The following SOX5 variants were observed in gnomAD, a reference collection of about 807,000 sequenced individuals.
SOX5 encodes the protein SRY-box transcription factor 5, also known as transcription factor SOX-5.
In SOX5, 9 loss-of-function variants were observed where a neutral mutation model predicts 92.0. The ratio of observed to expected loss-of-function variants is 0.10; its 90% CI spans 0.06 to 0.17. The LOEUF (loss-of-function observed/expected upper bound fraction) is 0.17, where lower values mean the gene tolerates loss of function less well. SOX5 is among the 10% of genes least tolerant of loss of function. The pLI is 1.00. For missense variants in SOX5, 642 were observed against 944.5 expected (o/e 0.68, Z 4.20); for synonymous variants, 344 against 336.3 (o/e 1.02, Z -0.25).
chr12:23,667,367 T>C (rs2083983311), intron 6 of SOX5, among the ~76,000 whole-genome samples: 1 of 152,222 alleles, frequency 6.6e-6, no homozygotes, highest in Non-Finnish European at 1.5e-5. Flanking sequence ...TAAATTGCAA[T>C]GAATTCTGGA....
intron 1 of SOX5, chr12:24,368,699 T>A (rs11047401): frequency 0.054 from 8,221 of 152,282 alleles, 331 homozygotes; most frequent in African/African-American, 0.11. Context: ...ACAGTGCTGA[T>A]TGGATTCCAT....
intron 4 of SOX5, among the ~76,000 whole-genome samples, chr12:24,078,394 C>A (rs1366581183): frequency 6.6e-6 from 1 of 151,926 alleles, no homozygotes; most frequent in Non-Finnish European, 1.5e-5. Context: ...AGTTATTGAA[C>A]CTGTGATTAC....
At chr12:23,538,832 G>A (rs1235918925) in intron 13 of SOX5, among the ~76,000 whole-genome samples, 6 of 120,834 alleles carry the variant, frequency 5.0e-5, no homozygotes, top group Non-Finnish European at 8.2e-5. Context: ...ACAGAGTCTT[G>A]CTCTTTCGCC....
chr12:24,141,921 T>G (rs1219219416), intron 4 of SOX5, among the ~76,000 whole-genome samples: 1 of 152,034 alleles, frequency 6.6e-6, no homozygotes, highest in Admixed American at 6.6e-5. Flanking sequence ...TGATGGTCTC[T>G]GTGAATGGGA....
intron 1 of SOX5, among the ~76,000 whole-genome samples, chr12:24,411,793 T>C (rs192979785): frequency 3.9e-5 from 6 of 152,326 alleles, no homozygotes; most frequent in Middle Eastern, 3.4e-3. Context: ...TTCGTTTTAG[T>C]ATCTGGGTAA....
chr12:23,947,430 G>C (rs556894906), intron 1 of SOX5, among the ~76,000 whole-genome samples: 1 of 151,912 alleles, frequency 6.6e-6, no homozygotes, highest in East Asian at 1.9e-4. Context: ...TCAATATTGT[G>C]TCTACATGAT....
At chr12:24,287,387 C>A (rs1307156551) in intron 2 of SOX5, among the ~76,000 whole-genome samples, 1 of 152,120 alleles carries the variant, frequency 6.6e-6, no homozygotes, top group East Asian at 1.9e-4. Flanking sequence ...CAGATAACTT[C>A]TTGGATACAG....
At chr12:23,816,228 T>C (rs1315967502) in intron 3 of SOX5, among the ~76,000 whole-genome samples, 18 of 145,880 alleles carry the variant, frequency 1.2e-4, no homozygotes, top group African/African-American at 4.5e-4. Context: ...TTTTTTTTGT[T>C]GGATGGAGTC....
At chr12:24,486,029 T>C (rs750157204) in intron 1 of SOX5, among the ~76,000 whole-genome samples, 1 of 152,220 alleles carries the variant, frequency 6.6e-6, no homozygotes, top group Non-Finnish European at 1.5e-5. Flanking sequence ...CATAGTTCAC[T>C]GCAGCCTCAA....
chr12:24,466,289 C>T (rs1944229742), intron 1 of SOX5, among the ~76,000 whole-genome samples: 1 of 151,646 alleles, frequency 6.6e-6, no homozygotes. Flanking sequence ...ATAGCCCAGG[C>T]TGCTGGAGTG....
intron 2 of SOX5, among the ~76,000 whole-genome samples, chr12:23,888,362 A>G (rs755441709): frequency 2.0e-5 from 3 of 152,106 alleles, no homozygotes; most frequent in Non-Finnish European, 4.4e-5. Context: ...GTGTGGGGAT[A>G]ATAGTAGACA....
chr12:23,724,611 A>G (rs1209454004), intron 6 of SOX5, among the ~76,000 whole-genome samples: 1 of 152,188 alleles, frequency 6.6e-6, no homozygotes, highest in East Asian at 1.9e-4. Context: ...CAGGAGATTT[A>G]TGTACCTTAA....
intron 2 of SOX5, among the ~76,000 whole-genome samples, chr12:24,351,507 TAG>T (rs1954080700): frequency 6.6e-6 from 1 of 152,244 alleles, no homozygotes; most frequent in South Asian, 2.1e-4. Context: ...TAGCAGTTTG[TAG>T]AGAGGCAGTG....
intron 4 of SOX5, among the ~76,000 whole-genome samples, chr12:24,153,950 CT>C (rs1951911198): frequency 1.3e-5 from 2 of 152,090 alleles, no homozygotes; most frequent in Admixed American, 6.6e-5. Context: ...TCCCTGAGAC[CT>C]TCAGTCTCTC....
intron 6 of SOX5, among the ~76,000 whole-genome samples, chr12:23,706,540 C>T (rs1445133109): frequency 6.6e-6 from 1 of 151,724 alleles, no homozygotes; most frequent in African/African-American, 2.4e-5. Context: ...ACAAAATATA[C>T]CACATTTTAT....
chr12:23,647,661 GTTTCATCTTGCAC>G (rs983202287), intron 7 of SOX5, among the ~76,000 whole-genome samples: 1 of 152,216 alleles, frequency 6.6e-6, no homozygotes, highest in African/African-American at 2.4e-5. Flanking sequence ...AGCACTTGCT[GTTTCATCTTGCAC>G]TTTTATGTAG....
intron 1 of SOX5, among the ~76,000 whole-genome samples, chr12:24,555,539 C>T (rs773829325): frequency 1.7e-4 from 26 of 151,886 alleles, no homozygotes; most frequent in Admixed American, 3.9e-4. Flanking sequence ...GTGAGTACAT[C>T]GAAAAGAGTG....
intron 4 of SOX5, among the ~76,000 whole-genome samples, chr12:24,191,633 G>A (rs995959204): frequency 9.9e-5 from 15 of 152,194 alleles, no homozygotes; most frequent in Admixed American, 6.5e-5. Flanking sequence ...CTGCTCCAAT[G>A]TCCTACTCCT....
At chr12:24,295,284 T>C (rs565868362) in intron 2 of SOX5, among the ~76,000 whole-genome samples, 11 of 152,312 alleles carry the variant, frequency 7.2e-5, no homozygotes, top group African/African-American at 2.6e-4. Flanking sequence ...CATACTCTCG[T>C]GTACAACAAA....
Sources: gnomAD v4.1 joint callset for allele counts (sites outside exome capture counted in the v4.1 genomes callset) on GRCh38, gnomAD v4.1.1 for gene constraint, MANE v1.5 for transcripts, NCBI Gene and HGNC (gene_info 2026-07-23, HGNC 2026-07-21) for gene names.